LRRTM4: variants seen among roughly 807,000 people sequenced by gnomAD.
The protein encoded by LRRTM4 is leucine-rich repeat transmembrane neuronal protein 4.
LRRTM4 carries 25 observed loss-of-function variants against 47.6 expected under a neutral mutation model. The observed-to-expected ratio is 0.53, with a 90% confidence interval of 0.38 to 0.73. The LOEUF is 0.73. Ranked by LOEUF, LRRTM4 falls within the 30% of genes least tolerant of loss-of-function variation. LRRTM4 has a pLI of 0.00. For missense variants in LRRTM4, 638 were observed against 713.4 expected (o/e 0.89, Z 1.20); for synonymous variants, 311 against 269.5 (o/e 1.15, Z -1.51).
chr2:76,867,669 T>C (rs1019729314), intron 3 of LRRTM4, among the ~76,000 whole-genome samples: 4 of 152,226 alleles, frequency 2.6e-5, no homozygotes, highest in African/African-American at 9.6e-5. Context: ...TCACTGTGAA[T>C]ACATTTTCCT....
rs192896575 is a variant in LRRTM4 at position 77,134,022 on chromosome 2, A to G, written c.1551+384296T>C. ...TTGGTAACTAACATTGAAAATTAGC[A>G]AGGATTAAAAAGCACTTGAAAAGAT... On this transcript the variant is annotated intron_variant, in intron 3 of 3. Coordinates refer to ENST00000409884, the MANE Select transcript of LRRTM4 (RefSeq NM_001134745.3). 2.6e-3 allele frequency among the ~76,000 whole-genome samples: 394 copies of G among 152,292 alleles called. 4 individuals carry two copies. The highest frequency in any genetic ancestry group is 6.8e-3 in the Middle Eastern group (2 of 294).
rs1349068118 is a variant in LRRTM4, at chr2:76,768,825, A to G, written c.1552-19909T>C. 3.9e-5 allele frequency among the ~76,000 whole-genome samples: 6 copies of G among 152,180 alleles called. No homozygotes were observed. The East Asian group carries it at 9.6e-4, about 24-fold the overall frequency. ...GAAATTAGGATCTGATTCCTCCTGC[A>G]TGAAACCGGTAAATATTTCTGAATG... On this transcript the variant is annotated intron_variant, in intron 3 of 3. Transcript: ENST00000409884.
At chr2:76,975,784 A>G (rs1676398566) in intron 3 of LRRTM4, among the ~76,000 whole-genome samples, 1 of 151,926 alleles carries the variant, frequency 6.6e-6, no homozygotes, top group Non-Finnish European at 1.5e-5. Flanking sequence ...GGCCACATTT[A>G]CAGGAAACAA....
intron 3 of LRRTM4, among the ~76,000 whole-genome samples, chr2:76,891,117 C>G (rs901188266): frequency 6.6e-5 from 10 of 151,946 alleles, no homozygotes; most frequent in Middle Eastern, 3.4e-3. Context: ...AAGAAGAAAA[C>G]TGAAGAATCT....
intron 3 of LRRTM4, among the ~76,000 whole-genome samples, chr2:77,449,181 T>G (rs1676162381): frequency 6.6e-6 from 1 of 152,202 alleles, no homozygotes; most frequent in African/African-American, 2.4e-5. Context: ...CCAACATGAA[T>G]ATGCGTTTAA....
At chr2:76,887,320 C>G (rs984444550) in intron 3 of LRRTM4, among the ~76,000 whole-genome samples, 1 of 151,160 alleles carries the variant, frequency 6.6e-6, no homozygotes, top group Non-Finnish European at 1.5e-5. Flanking sequence ...TGTAAAGCAA[C>G]CTTTAATTTT....
chr2:77,100,748 T>C (rs570786342), intron 3 of LRRTM4, among the ~76,000 whole-genome samples: 1 of 152,142 alleles, frequency 6.6e-6, no homozygotes, highest in African/African-American at 2.4e-5. Flanking sequence ...CTTTGTTAAA[T>C]ATAATAATGG....
chr2:77,338,233 G>C (rs1671236573), intron 3 of LRRTM4, among the ~76,000 whole-genome samples: 2 of 151,818 alleles, frequency 1.3e-5, no homozygotes, highest in African/African-American at 4.8e-5. Context: ...AAGCCAAAAT[G>C]GACAAATGGC....
intron 3 of LRRTM4, among the ~76,000 whole-genome samples, chr2:77,069,433 GTGTGTTT>G (rs1322426385): frequency 6.6e-6 from 1 of 150,454 alleles, no homozygotes; most frequent in Non-Finnish European, 1.5e-5. Context: ...GTGTGTGTGT[GTGTGTTT>G]GTGTGTGTTG....
intron 3 of LRRTM4, among the ~76,000 whole-genome samples, chr2:77,106,280 A>G (rs919357715): frequency 6.6e-6 from 1 of 152,206 alleles, no homozygotes; most frequent in Non-Finnish European, 1.5e-5. Flanking sequence ...TTTTCATGAT[A>G]GTAACATATA....
chr2:76,998,767 CTGT>C, intron 3 of LRRTM4, among the ~76,000 whole-genome samples: 1 of 140,408 alleles, frequency 7.1e-6, no homozygotes, highest in South Asian at 2.2e-4. Context: ...TCTATATTTT[CTGT>C]TTTTTTTTTT....
At chr2:77,232,136 C>T (rs1364674454) in intron 3 of LRRTM4, among the ~76,000 whole-genome samples, 1 of 152,104 alleles carries the variant, frequency 6.6e-6, no homozygotes, top group African/African-American at 2.4e-5. Context: ...GGTGGTAAGA[C>T]ATAAATGGGA....
In LRRTM4 at chr2:77,495,626, T is replaced by C. The variant is rs1207304508; in HGVS notation, c.1551+22692A>G. 3.3e-5 allele frequency among the ~76,000 whole-genome samples: 5 copies of C among 152,152 alleles called. No individual in the cohort carries two copies. In the East Asian group the frequency reaches 9.7e-4, roughly 29 times the overall value. ...TTGGCATACGGATGGCAAACATCAT[T>C]TGTTGAAAAGACTAAGCTTTCTCCC... is the stretch of plus-strand genomic sequence containing the variant. On this transcript the variant is annotated intron_variant, in intron 3 of 3. Transcript: ENST00000409884.
chr2:77,307,449 T>C (rs1238024417), intron 3 of LRRTM4, among the ~76,000 whole-genome samples: 1 of 149,546 alleles, frequency 6.7e-6, no homozygotes, highest in Non-Finnish European at 1.5e-5. Flanking sequence ...TGCTTGCTTC[T>C]GAAATTTAAT....
At chr2:76,760,163 C>T (rs1019589534) in intron 3 of LRRTM4, among the ~76,000 whole-genome samples, 19 of 152,110 alleles carry the variant, frequency 1.2e-4, no homozygotes, top group African/African-American at 3.6e-4. Flanking sequence ...CCTTTCTGTA[C>T]GATCTCCCAC....
intron 3 of LRRTM4, among the ~76,000 whole-genome samples, chr2:76,786,335 CAAAAAA>C (rs1674669576): frequency 6.6e-6 from 1 of 151,616 alleles, no homozygotes; most frequent in African/African-American, 2.4e-5. Context: ...TAGAACAAAG[CAAAAAA>C]TAAAAATAAA....
At chr2:77,064,963 A>G (rs1679906669) in intron 3 of LRRTM4, among the ~76,000 whole-genome samples, 1 of 152,132 alleles carries the variant, frequency 6.6e-6, no homozygotes, top group African/African-American at 2.4e-5. Context: ...CTTAGATATT[A>G]TATGACTCTG....
chr2:77,315,606 G>A, intron 3 of LRRTM4, among the ~76,000 whole-genome samples: 1 of 152,044 alleles, frequency 6.6e-6, no homozygotes, highest in East Asian at 1.9e-4. Context: ...CTTTACTCAG[G>A]TTTCTTCCTG....
chr2:76,993,087 G>A (rs1251136215), intron 3 of LRRTM4, among the ~76,000 whole-genome samples: 1 of 151,740 alleles, frequency 6.6e-6, no homozygotes, highest in Non-Finnish European at 1.5e-5. Context: ...GAATAAAACT[G>A]GACCCTTACC....
Sources: allele counts gnomAD v4.1 joint callset (sites outside exome capture counted in the v4.1 genomes callset), GRCh38; gene constraint gnomAD v4.1.1; transcripts MANE v1.5; gene names NCBI Gene and HGNC (gene_info 2026-07-23, HGNC 2026-07-21).